The following RALGAPB variants were observed in gnomAD, a reference collection of about 807,000 sequenced individuals.
The protein encoded by RALGAPB is ral GTPase-activating protein subunit beta.
In RALGAPB, 25 loss-of-function variants were observed where a neutral mutation model predicts 161.1. The ratio of observed to expected loss-of-function variants is 0.16; its 90% CI spans 0.11 to 0.22. The LOEUF is 0.22. RALGAPB is among the 10% of genes least tolerant of loss of function. RALGAPB has a pLI of 1.00. For missense variants in RALGAPB, 1,391 were observed against 1,815.2 expected, an observed-to-expected ratio of 0.77 and a Z score of 4.25; for synonymous variants, 629 against 626.1, an observed-to-expected ratio of 1.00 and a Z score of -0.07.
intron 18 of RALGAPB, among the ~76,000 whole-genome samples, chr20:38,544,171 C>T (rs74767280): frequency 0.014 from 2,088 of 152,218 alleles, 63 homozygotes; most frequent in African/African-American, 0.048. Context: ...CCAAGGTTGC[C>T]CATTTCATTT....
At chr20:38,476,204 ACT>A (rs2084798297) in intron 1 of RALGAPB, among the ~76,000 whole-genome samples, 1 of 152,148 alleles carries the variant, frequency 6.6e-6, no homozygotes, top group African/African-American at 2.4e-5. Context: ...AACAAAAGTG[ACT>A]CTAATCATGA....
chr20:38,534,933 T>C (rs1192366590), intron 15 of RALGAPB, 141 bp from the exon 16 acceptor site: 2 of 982,838 alleles, frequency 2.0e-6, no homozygotes, highest in Non-Finnish European at 3.1e-6. Flanking sequence ...CCCAGTGGGG[T>C]GGGGAGCGTA....
intron 24 of RALGAPB, among the ~76,000 whole-genome samples, chr20:38,564,883 TTCC>T (rs199929174): frequency 0.015 from 2,234 of 151,396 alleles, 25 homozygotes; most frequent in South Asian, 0.054. Context: ...CCTCCTCCTC[TTCC>T]TCCTCCTCTT....
At chr20:38,503,057 A>G (rs1223491133) in intron 5 of RALGAPB, among the ~76,000 whole-genome samples, 1 of 152,226 alleles carries the variant, frequency 6.6e-6, no homozygotes, top group Non-Finnish European at 1.5e-5. Context: ...GTACCAACAC[A>G]ATATCTTCTG....
chr20:38,501,590 G>T (rs954096245), intron 5 of RALGAPB, among the ~76,000 whole-genome samples: 1 of 152,098 alleles, frequency 6.6e-6, no homozygotes, highest in Non-Finnish European at 1.5e-5. Flanking sequence ...TTTAGTAGAG[G>T]TGGGGGTTTC....
In RALGAPB at chr20:38,527,491, C is replaced by G. The variant is rs141846186; in HGVS notation, c.2050+1449C>G. Among the ~76,000 whole-genome samples, 403 of 152,266 alleles carry G rather than the reference C, an allele frequency of 2.6e-3. 1 individual carries two copies. The highest frequency in any genetic ancestry group is 9.2e-3 in the African/African-American group (384 of 41,556). On this transcript the variant is annotated intron_variant, in intron 13 of 29. Transcript: ENST00000262879. ...AATTGTGGACATGATTTTCTAGACT[C>G]ACAAATGGAGTTTTTTGCTCTTTAC...
intron 1 of RALGAPB, among the ~76,000 whole-genome samples, chr20:38,486,135 A>C (rs1472377939): frequency 6.6e-6 from 1 of 151,756 alleles, no homozygotes; most frequent in African/African-American, 2.4e-5. Context: ...ATGCCCAGCT[A>C]ATTTTTGTAT....
chr20:38,551,961 T>A (rs2087390283), intron 21 of RALGAPB, among the ~76,000 whole-genome samples: 1 of 151,954 alleles, frequency 6.6e-6, no homozygotes, highest in South Asian at 2.1e-4. Flanking sequence ...GGCATGAAAT[T>A]TAGGTGACCT....
chr20:38,483,418 A>G (rs553478743), intron 1 of RALGAPB, among the ~76,000 whole-genome samples: 1 of 152,212 alleles, frequency 6.6e-6, no homozygotes, highest in South Asian at 2.1e-4. Context: ...TAATTATGAA[A>G]TTTTCCCATT....
At position 38,553,932 on chromosome 20, in the gene RALGAPB, T is replaced by C. The variant is rs749216840; in HGVS notation, c.3228T>C (p.Leu1076=). 3.6e-5 allele frequency: 58 copies of C among 1,613,660 alleles called. No homozygotes were observed. The highest frequency in any genetic ancestry group is 6.7e-5 in the African/African-American group (5 of 74,864). The change falls in exon 22 of 30, where the codon CTT becomes CTC. Residue 1076 remains leucine, a synonymous_variant. Transcript: ENST00000262879. ...MAQQIAYEIH[L]EQQSEEELQK... is the part of the protein sequence containing the mutation. ...AGCAGATTGCTTATGAAATACACCT[T>C]GAGCAACAGAGTGAGGAGGAATTGC...
intron 24 of RALGAPB, among the ~76,000 whole-genome samples, chr20:38,564,219 T>C (rs750571612): frequency 6.6e-6 from 1 of 152,160 alleles, no homozygotes; most frequent in Non-Finnish European, 1.5e-5. Context: ...GTCAGAAAAC[T>C]AAAGCCCTGT....
intron 5 of RALGAPB, chr20:38,499,868 A>G: frequency 3.2e-6 from 1 of 312,800 alleles, no homozygotes; most frequent in Non-Finnish European, 5.8e-6. Flanking sequence ...CTTCCCCCAC[A>G]AAAAAATTCC....
At chr20:38,565,566 A>G in intron 25 of RALGAPB, 88 bp downstream of exon 25, 6 of 1,474,190 alleles carry the variant, frequency 4.1e-6, no homozygotes, top group Non-Finnish European at 5.6e-6. Context: ...GAGATTTTGA[A>G]GTGATCTAAG....
At chr20:38,514,691 T>C (rs1264923203) in intron 6 of RALGAPB, among the ~76,000 whole-genome samples, 1 of 152,208 alleles carries the variant, frequency 6.6e-6, no homozygotes, top group African/African-American at 2.4e-5. Context: ...CCAAAAAATA[T>C]TTTTCATTTT....
At chr20:38,553,306 G>A (rs1174043859) in intron 21 of RALGAPB, among the ~76,000 whole-genome samples, 2 of 152,176 alleles carry the variant, frequency 1.3e-5, no homozygotes, top group Non-Finnish European at 2.9e-5. Flanking sequence ...AAAGGTGGGA[G>A]AAGTCTCTAA....
At chr20:38,548,454 G>A (rs1282138998) in intron 19 of RALGAPB, among the ~76,000 whole-genome samples, 1 of 152,116 alleles carries the variant, frequency 6.6e-6, no homozygotes, top group Non-Finnish European at 1.5e-5. Context: ...ATTAGTACAT[G>A]CCAAAATTCA....
chr20:38,486,262 C>A (rs1600831798), intron 1 of RALGAPB, among the ~76,000 whole-genome samples: 1 of 152,200 alleles, frequency 6.6e-6, no homozygotes, highest in East Asian at 1.9e-4. Flanking sequence ...TATGAGTCAC[C>A]ACGCCTGGCC....
rs145048500 is a variant in RALGAPB at position 38,492,101 on chromosome 20, A to C, written c.187-829A>C. On this transcript the variant is annotated intron_variant, in intron 2 of 29. Transcript: ENST00000262879. ...ATAATTGGTCAAGATACCACATGACAGAATAGTATTAGACTAATGTGCCAA... is the reference window on the plus strand; with the variant it reads ...ATAATTGGTCAAGATACCACATGACCGAATAGTATTAGACTAATGTGCCAA... Among the ~76,000 whole-genome samples, 231 of 152,382 alleles carry C rather than the reference A, an allele frequency of 1.5e-3. 1 individual carries two copies. Among genetic ancestry groups the C allele is most frequent in the Non-Finnish European group, 2.4e-3 (164 of 68,034 alleles).
At chr20:38,570,926 G>A (rs978272953) in intron 28 of RALGAPB, 79 bp downstream of exon 28, 5 of 960,994 alleles carry the variant, frequency 5.2e-6, no homozygotes, top group Non-Finnish European at 4.8e-6. Context: ...AAGGAATTAT[G>A]AAACGAAAGA....
Sources: allele counts gnomAD v4.1 joint callset (sites outside exome capture counted in the v4.1 genomes callset), GRCh38; gene constraint gnomAD v4.1.1; transcripts MANE v1.5; gene names NCBI Gene and HGNC (gene_info 2026-07-23, HGNC 2026-07-21).